NFIB: variants seen among roughly 807,000 people sequenced by gnomAD.
NFIB encodes the protein nuclear factor 1 B-type.
Under a neutral mutation model 61.5 loss-of-function variants are expected in NFIB, and 11 were observed. That is an observed-to-expected ratio of 0.18 (90% CI 0.11 to 0.30). The LOEUF (loss-of-function observed/expected upper bound fraction) is 0.30, where lower values mean the gene tolerates loss of function less well. Among genes scored for constraint, NFIB ranks in the 10% least tolerant of loss-of-function variants. The pLI is 1.00. For missense variants in NFIB, 471 were observed against 608.9 expected (o/e 0.77, Z 2.38); for synonymous variants, 260 against 216.5 (o/e 1.20, Z -1.76).
In NFIB at chr9:14,267,681, T is replaced by C. The variant is rs559563899; in HGVS notation, c.562+39308A>G. Among the ~76,000 whole-genome samples, 233 of 152,338 alleles carry C rather than the reference T, an allele frequency of 1.5e-3. 1 individual carries two copies. Among genetic ancestry groups the C allele is most frequent in the African/African-American group, 5.4e-3 (223 of 41,578 alleles). On this transcript the variant is annotated intron_variant, in intron 2 of 10. Coordinates refer to ENST00000380953, the MANE Select transcript of NFIB (RefSeq NM_001190737.2). The stretch of plus-strand genomic sequence containing the variant: ...ATAAATTTGTTGAATTGATTTGTTG[T>C]TCCCTGTGAATAGACAGTGAGCCCC...
chr9:14,222,475 G>A lies in NFIB; in HGVS notation c.563-42695C>T, dbSNP rs1324101918. ...AGCCTTTGCCCAAGCTAATTTCCAG[G>A]TAAATCTGTCCCTTTATTCATTAAG... On this transcript the variant is annotated intron_variant, in intron 2 of 10. Transcript: ENST00000380953. 3.3e-5 allele frequency among the ~76,000 whole-genome samples: 5 copies of A among 152,256 alleles called. No individual in the cohort carries two copies. The East Asian group carries it at 9.7e-4, about 29-fold the overall frequency.
At chr9:14,227,790 G>C (rs918778809) in intron 2 of NFIB, among the ~76,000 whole-genome samples, 1 of 152,128 alleles carries the variant, frequency 6.6e-6, no homozygotes, top group African/African-American at 2.4e-5. Flanking sequence ...AGGCCTCAAT[G>C]GGTTTAATAA....
the NFIB span, among the ~76,000 whole-genome samples, chr9:14,501,854 C>T: frequency 6.6e-6 from 1 of 152,172 alleles, no homozygotes; most frequent in Admixed American, 6.5e-5. Flanking sequence ...TTGGAGGCTC[C>T]TGGGTGAGTA....
chr9:14,527,972 T>C, the NFIB span, among the ~76,000 whole-genome samples: 1 of 152,202 alleles, frequency 6.6e-6, no homozygotes, highest in Non-Finnish European at 1.5e-5. Flanking sequence ...ATATTTAGCA[T>C]ATTTATCAGA....
chr9:14,109,798 G>A (rs1048073200), intron 10 of NFIB, among the ~76,000 whole-genome samples: 6 of 152,002 alleles, frequency 3.9e-5, no homozygotes, highest in Non-Finnish European at 7.4e-5. Flanking sequence ...GAACCTTTTT[G>A]AAATAGTCTC....
intron 1 of NFIB, among the ~76,000 whole-genome samples, chr9:14,392,662 T>C (rs886206529): frequency 1.2e-4 from 18 of 152,030 alleles, no homozygotes; most frequent in Admixed American, 2.6e-4. Context: ...AGAGGCTGCA[T>C]TGAGCTGTGA....
intron 10 of NFIB, among the ~76,000 whole-genome samples, chr9:14,099,069 A>G (rs2035323347): frequency 6.6e-6 from 1 of 152,226 alleles, no homozygotes; most frequent in Admixed American, 6.5e-5. Context: ...TCAACAGGGC[A>G]ATTAGTATAA....
At chr9:14,103,466 G>A (rs896972362) in intron 10 of NFIB, among the ~76,000 whole-genome samples, 3 of 151,946 alleles carry the variant, frequency 2.0e-5, no homozygotes, top group Admixed American at 6.6e-5. Flanking sequence ...CTTGTTTGCT[G>A]CTTTTCAGTG....
the NFIB span, among the ~76,000 whole-genome samples, chr9:14,486,225 G>C: frequency 2.0e-5 from 3 of 152,172 alleles, no homozygotes; most frequent in Admixed American, 6.5e-5. Flanking sequence ...AGAGGACATA[G>C]CTCCTTATGA....
chr9:14,115,422 C>CA (rs2037978745), intron 9 of NFIB, among the ~76,000 whole-genome samples: 1 of 152,126 alleles, frequency 6.6e-6, no homozygotes, highest in African/African-American at 2.4e-5. Context: ...AAGAAGCTGA[C>CA]AGTTGGGTGA....
chr9:14,121,050 G>A (rs2038865571), intron 7 of NFIB, among the ~76,000 whole-genome samples: 1 of 152,164 alleles, frequency 6.6e-6, no homozygotes, highest in African/African-American at 2.4e-5. Flanking sequence ...ATCACCTGAG[G>A]TCAGGAGTTC....
At chr9:14,336,371 A>G (rs2060885837) in intron 1 of NFIB, among the ~76,000 whole-genome samples, 1 of 152,218 alleles carries the variant, frequency 6.6e-6, no homozygotes, top group African/African-American at 2.4e-5. Flanking sequence ...ATCATCAGCT[A>G]TTATGGTAAC....
intron 10 of NFIB, among the ~76,000 whole-genome samples, chr9:14,101,116 CTTAA>C (rs1207450164): frequency 5.9e-5 from 9 of 152,056 alleles, no homozygotes; most frequent in Admixed American, 6.5e-5. Context: ...GATACTTTCA[CTTAA>C]TTAAGACTAT....
intron 2 of NFIB, among the ~76,000 whole-genome samples, chr9:14,268,531 C>T (rs2057381419): frequency 6.6e-6 from 1 of 152,196 alleles, no homozygotes; most frequent in African/African-American, 2.4e-5. Flanking sequence ...CTCCAGGACC[C>T]CCATGCCTCA....
Position 14,120,463 on chromosome 9 carries a change from G to A in NFIB, c.1222C>T (p.Pro408Ser). 6.2e-7 allele frequency: 1 copy of A among 1,614,024 alleles called. No homozygotes were observed. The highest frequency in any genetic ancestry group is 8.5e-7 in the Non-Finnish European group (1 of 1,179,968). The change falls in exon 8 of 11, where the codon CCA (proline) becomes TCA (serine). Residue 408 changes from proline (P) to serine (S), a missense_variant. By Grantham distance (74) the Pro-to-Ser change is moderately conservative. This residue lies in a region of NFIB where 372 missense variants were observed against 395.6 expected (regional missense o/e 0.94). Coordinates refer to ENST00000380953, the MANE Select transcript of NFIB (RefSeq NM_001190737.2). The surrounding 1 kb of genome is among the most constrained non-coding windows in gnomAD (Gnocchi z 4.4). ...TLKNYVPSYD[P>S]SSPQTSQPNG... ...ACCTGGCTGGTTTGTGGACTGGATG[G>A]GTCATAAGAAGGTACATAGTTCTTC...
At chr9:14,413,996 T>C in the NFIB span, among the ~76,000 whole-genome samples, 3 of 152,326 alleles carry the variant, frequency 2.0e-5, no homozygotes, top group South Asian at 2.1e-4. Context: ...TCCAGCTTTA[T>C]AGATTTACCG....
chr9:14,480,790 G>C, the NFIB span, among the ~76,000 whole-genome samples: 1 of 152,146 alleles, frequency 6.6e-6, no homozygotes, highest in Non-Finnish European at 1.5e-5. Context: ...CTCCTGCTGA[G>C]ATGGAAATAA....
In NFIB at chr9:14,087,601, T is replaced by C. The variant is rs993900876; in HGVS notation, c.*708A>G. ...TTTCCTTTTTTTTTCATTTTTTCTTTTTTTAAGATTTCAAACTGGGTTACA... is the reference window on the plus strand; with the variant it reads ...TTTCCTTTTTTTTTCATTTTTTCTTCTTTTAAGATTTCAAACTGGGTTACA... On this transcript the variant is annotated 3_prime_UTR_variant, in exon 11 of 11. Transcript: ENST00000380953. 8.9e-6 allele frequency: 2 copies of C among 225,296 alleles called. No homozygotes were observed. The highest frequency in any genetic ancestry group is 5.7e-5 in the Admixed American group (1 of 17,456). 14.0% of individuals were successfully genotyped at this position (225,296 alleles called of 1,614,324 possible).
At chr9:14,193,930 G>A (rs2048217380) in intron 2 of NFIB, among the ~76,000 whole-genome samples, 1 of 152,104 alleles carries the variant, frequency 6.6e-6, no homozygotes, top group Admixed American at 6.5e-5. Context: ...TGCACCCTAT[G>A]CAATGTCCCT....
Sources: gnomAD v4.1 joint callset for allele counts (sites outside exome capture counted in the v4.1 genomes callset) on GRCh38, gnomAD v4.1.1 for gene constraint, gnomAD v4.1.1 regional missense constraint, Gnocchi (gnomAD v3.1) non-coding constraint, MANE v1.5 for transcripts, NCBI Gene and HGNC (gene_info 2026-07-23, HGNC 2026-07-21) for gene names.